Variants in RIMS2 observed in about 807,000 individuals in gnomAD.
The protein encoded by RIMS2 is regulating synaptic membrane exocytosis 2, also known as regulating synaptic membrane exocytosis protein 2.
A neutral mutation model predicts 174.4 loss-of-function variants in RIMS2; 59 were observed. The ratio of observed to expected loss-of-function variants is 0.34; its 90% CI spans 0.27 to 0.42. The LOEUF is 0.42. RIMS2 is among the 10% of genes least tolerant of loss of function. The probability of loss-of-function intolerance (pLI) is 1.00; values close to 1 mark genes in which losing one functional copy is unlikely to be tolerated. For missense variants in RIMS2, 1,620 were observed against 1,666.3 expected (o/e 0.97, Z 0.48); for synonymous variants, 606 against 572.5 (o/e 1.06, Z -0.84).
At chr8:103,737,475 C>T (rs1158507788) in intron 2 of RIMS2, among the ~76,000 whole-genome samples, 5 of 152,096 alleles carry the variant, frequency 3.3e-5, no homozygotes, top group African/African-American at 1.2e-4. Context: ...GAGTGAACCA[C>T]TGTGCCCAGC....
intron 12 of RIMS2, among the ~76,000 whole-genome samples, chr8:103,932,408 C>T (rs1265039246): frequency 2.0e-5 from 3 of 152,136 alleles, no homozygotes; most frequent in African/African-American, 4.8e-5. Flanking sequence ...ATTTTGAAGT[C>T]AAAGCTGTAT....
intron 1 of RIMS2, among the ~76,000 whole-genome samples, chr8:103,529,519 G>A (rs4257981): frequency 0.043 from 6,539 of 152,294 alleles, 262 homozygotes; most frequent in East Asian, 0.16. Flanking sequence ...TCCAGGTGCC[G>A]TCTGTCACAG....
At chr8:104,147,875 T>C (rs1479469722) in intron 19 of RIMS2, among the ~76,000 whole-genome samples, 1 of 152,198 alleles carries the variant, frequency 6.6e-6, no homozygotes, top group Admixed American at 6.5e-5. Context: ...CAGTAGATTA[T>C]CAATCAGCTC....
intron 19 of RIMS2, among the ~76,000 whole-genome samples, chr8:104,168,831 A>G (rs1342838617): frequency 1.3e-5 from 2 of 152,042 alleles, no homozygotes; most frequent in African/African-American, 4.8e-5. Context: ...TTTTATGCCA[A>G]CTGTGTTGAG....
At chr8:104,150,209 AT>A (rs535723762) in intron 19 of RIMS2, among the ~76,000 whole-genome samples, 1 of 152,038 alleles carries the variant, frequency 6.6e-6, no homozygotes, top group Non-Finnish European at 1.5e-5. Flanking sequence ...AAGTCTACTA[AT>A]TTTTTTTAAA....
At chr8:103,602,898 T>A (rs1436088247) in intron 1 of RIMS2, among the ~76,000 whole-genome samples, 4 of 152,240 alleles carry the variant, frequency 2.6e-5, no homozygotes, top group Admixed American at 2.0e-4. Flanking sequence ...CTTTCCACAA[T>A]GGCTGAAATA....
intron 1 of RIMS2, among the ~76,000 whole-genome samples, chr8:103,519,644 A>G (rs182723949): frequency 1.7e-3 from 258 of 151,674 alleles, no homozygotes; most frequent in African/African-American, 5.8e-3. Flanking sequence ...TAAAATAAGC[A>G]GTGCTTAATC....
chr8:103,991,647 T>G (rs977935518), intron 17 of RIMS2, among the ~76,000 whole-genome samples: 5 of 152,120 alleles, frequency 3.3e-5, no homozygotes, highest in African/African-American at 4.8e-5. Flanking sequence ...TAATAGTAAT[T>G]TAGGTCTTTT....
intron 2 of RIMS2, among the ~76,000 whole-genome samples, chr8:103,752,447 T>C (rs2097906077): frequency 1.3e-5 from 2 of 152,102 alleles, no homozygotes; most frequent in African/African-American, 4.8e-5. Flanking sequence ...CTTTTTTGGT[T>C]CCATATGAAC....
At chr8:103,518,400 G>A (rs2130228094) in intron 1 of RIMS2, among the ~76,000 whole-genome samples, 1 of 152,062 alleles carries the variant, frequency 6.6e-6, no homozygotes, top group Admixed American at 6.5e-5. Context: ...TTTTAAGAAA[G>A]CTTATGAATT....
intron 19 of RIMS2, among the ~76,000 whole-genome samples, chr8:104,190,259 G>A (rs2098990713): frequency 6.6e-6 from 1 of 151,960 alleles, no homozygotes; most frequent in Non-Finnish European, 1.5e-5. Flanking sequence ...CCATGATTAT[G>A]CCATTGCACC....
intron 1 of RIMS2, among the ~76,000 whole-genome samples, chr8:103,616,910 A>G (rs1051659025): frequency 1.3e-5 from 2 of 152,224 alleles, no homozygotes; most frequent in Admixed American, 1.3e-4. Context: ...ATGTTCATGG[A>G]TAGGAAGAAT....
intron 1 of RIMS2, among the ~76,000 whole-genome samples, chr8:103,627,330 T>C (rs998321707): frequency 6.6e-6 from 1 of 152,214 alleles, no homozygotes; most frequent in African/African-American, 2.4e-5. Context: ...AAAATCACTG[T>C]TATTCTGTTC....
intron 2 of RIMS2, among the ~76,000 whole-genome samples, chr8:103,705,219 A>G (rs1230564584): frequency 1.3e-5 from 2 of 152,054 alleles, no homozygotes; most frequent in Non-Finnish European, 1.5e-5. Context: ...GTTATTCACA[A>G]GCATGTTGTT....
chr8:103,886,431 T>C (rs1370270573), intron 4 of RIMS2, among the ~76,000 whole-genome samples: 2 of 151,972 alleles, frequency 1.3e-5, no homozygotes, highest in African/African-American at 2.4e-5. Context: ...GATGTTCTAT[T>C]GATTTTTAAA....
chr8:103,953,475 G>C (rs1034686422), intron 14 of RIMS2, among the ~76,000 whole-genome samples: 5 of 152,068 alleles, frequency 3.3e-5, no homozygotes, highest in Admixed American at 2.6e-4. Flanking sequence ...GATTTTTCAA[G>C]CCAGATTTTC....
At chr8:104,013,583 G>A (rs1434167106) in exon 18 of RIMS2, 1 of 1,613,708 alleles carries the variant, frequency 6.2e-7, no homozygotes, top group Non-Finnish European at 8.5e-7. Flanking sequence ...CTTCATTAAT[G>A]ACTGGAAGAT....
chr8:103,612,576 C>A (rs1356910913), intron 1 of RIMS2, among the ~76,000 whole-genome samples: 4 of 151,032 alleles, frequency 2.6e-5, no homozygotes, highest in Admixed American at 6.6e-5. Flanking sequence ...ACTCTTGTTC[C>A]TTTTCTTTTT....
chr8:104,191,156 G>T (rs2098995811), intron 19 of RIMS2, among the ~76,000 whole-genome samples: 1 of 151,956 alleles, frequency 6.6e-6, no homozygotes, highest in Non-Finnish European at 1.5e-5. Flanking sequence ...ATTGCAAGCT[G>T]TCAGTTGAAA....
Sources: gnomAD v4.1 joint callset for allele counts (sites outside exome capture counted in the v4.1 genomes callset) on GRCh38, gnomAD v4.1.1 for gene constraint, MANE v1.5 for transcripts, NCBI Gene and HGNC (gene_info 2026-07-23, HGNC 2026-07-21) for gene names.